NRG3: variants seen among roughly 807,000 people sequenced by gnomAD.
The protein encoded by NRG3 is pro-neuregulin-3, membrane-bound isoform.
Under a neutral mutation model 66.9 loss-of-function variants are expected in NRG3, and 31 were observed. The observed-to-expected ratio is 0.46, with a 90% CI of 0.35 to 0.63. The LOEUF is 0.63. Ranked by LOEUF, NRG3 falls within the 20% of genes least tolerant of loss-of-function variation. NRG3 has a pLI of 0.00. For synonymous variants in NRG3, 393 were observed against 359.4 expected, an observed-to-expected ratio of 1.09 and a Z score of -1.06; for missense variants, 910 against 878.9, an observed-to-expected ratio of 1.04 and a Z score of -0.45.
At chr10:81,918,870 G>C (rs1164793024) in intron 1 of NRG3, among the ~76,000 whole-genome samples, 1 of 149,492 alleles carries the variant, frequency 6.7e-6, no homozygotes, top group Non-Finnish European at 1.5e-5. Flanking sequence ...TAGAATCATT[G>C]CAATTTTCTG....
chr10:82,286,188 C>T (rs1468397306), intron 1 of NRG3, among the ~76,000 whole-genome samples: 1 of 152,104 alleles, frequency 6.6e-6, no homozygotes, highest in East Asian at 1.9e-4. Flanking sequence ...AACTCATAAG[C>T]TTTTGGTTTC....
intron 3 of NRG3, among the ~76,000 whole-genome samples, chr10:82,746,549 A>T (rs2058653982): frequency 6.6e-6 from 1 of 152,206 alleles, no homozygotes; most frequent in African/African-American, 2.4e-5. Flanking sequence ...TCAGGATCAA[A>T]GATGACACTT....
intron 1 of NRG3, among the ~76,000 whole-genome samples, chr10:81,980,930 C>T (rs947422643): frequency 6.6e-6 from 1 of 152,132 alleles, no homozygotes; most frequent in Admixed American, 6.5e-5. Flanking sequence ...TTAGGACCCA[C>T]TCTAAGGACT....
At chr10:82,850,843 T>G (rs1426065215) in intron 3 of NRG3, among the ~76,000 whole-genome samples, 1 of 152,214 alleles carries the variant, frequency 6.6e-6, no homozygotes, top group Non-Finnish European at 1.5e-5. Flanking sequence ...AGCTTCTTAA[T>G]TTTGCAGCAG....
At chr10:82,056,795 G>A (rs764369273) in intron 1 of NRG3, among the ~76,000 whole-genome samples, 3 of 152,094 alleles carry the variant, frequency 2.0e-5, no homozygotes, top group Non-Finnish European at 2.9e-5. Flanking sequence ...TAGCATTTTC[G>A]AAATATTGTT....
chr10:82,684,542 AC>A (rs2054358534), intron 2 of NRG3, among the ~76,000 whole-genome samples: 1 of 152,098 alleles, frequency 6.6e-6, no homozygotes, highest in Non-Finnish European at 1.5e-5. Flanking sequence ...ACAAAAAAAA[AC>A]AGTACATTTT....
At chr10:81,889,557 CT>C (rs1235730248) in intron 1 of NRG3, 1 of 152,174 alleles carries the variant, frequency 6.6e-6, no homozygotes, top group African/African-American at 2.4e-5. Flanking sequence ...CTCAGGCTTA[CT>C]TGGTTGCTCC....
chr10:82,124,513 C>T (rs923789951), intron 1 of NRG3, among the ~76,000 whole-genome samples: 6 of 151,578 alleles, frequency 4.0e-5, no homozygotes, highest in East Asian at 3.9e-4. Flanking sequence ...GTAAGTGAGG[C>T]GGAACTTTCT....
At chr10:82,779,579 C>T (rs1346884776) in intron 3 of NRG3, among the ~76,000 whole-genome samples, 2 of 152,082 alleles carry the variant, frequency 1.3e-5, no homozygotes, top group Non-Finnish European at 2.9e-5. Context: ...TCCTATTGTT[C>T]TATTTTCAAG....
At chr10:82,142,730 C>T (rs1405860404) in intron 1 of NRG3, among the ~76,000 whole-genome samples, 1 of 147,406 alleles carries the variant, frequency 6.8e-6, no homozygotes, top group Non-Finnish European at 1.5e-5. Flanking sequence ...CTAGAGTCAG[C>T]AATAAGATGT....
Position 82,943,206 on chromosome 10 carries a change from C to T in NRG3, c.1055-8263C>T, listed in dbSNP as rs966923248. On this transcript the variant is annotated intron_variant, in intron 4 of 8. Transcript: ENST00000372141. ...CATGTATTATTCTAGGCACTTTGTT[C>T]GTGCTTATGTGTTTAATCCCTAAAC... Among the ~76,000 whole-genome samples, 13 of 152,166 alleles carry T rather than the reference C, an allele frequency of 8.5e-5. No homozygotes were observed. The East Asian group carries it at 2.3e-3, about 27-fold the overall frequency.
At chr10:82,345,323 C>T (rs2082940057) in intron 1 of NRG3, among the ~76,000 whole-genome samples, 1 of 147,172 alleles carries the variant, frequency 6.8e-6, no homozygotes, top group Non-Finnish European at 1.5e-5. Flanking sequence ...AATAGGGAAT[C>T]CTTTCTCCAT....
Position 82,132,489 on chromosome 10 carries a change from TATGA to T in NRG3, c.824-226249_824-226246del, listed in dbSNP as rs368095564. Among the ~76,000 whole-genome samples the T allele has an allele frequency of 1.4e-3, 77 of 56,722 alleles. 1 individual carries two copies. Among genetic ancestry groups the T allele is most frequent in the East Asian group, 5.4e-3 (8 of 1,480 alleles). 37.2% of individuals were successfully genotyped at this position (56,722 alleles called of 152,430 possible). On this transcript the variant is annotated intron_variant, in intron 1 of 8. Transcript: ENST00000372141. Reference sequence around the variant, plus strand: ...ATATGATATATATATGATATATATATATGATATATATATATCATATATATATGAT... The same window carrying T: ...ATATGATATATATATGATATATATATTATATATATATCATATATATATGAT...
chr10:82,864,057 G>A (rs2064288308), intron 3 of NRG3, among the ~76,000 whole-genome samples: 1 of 152,070 alleles, frequency 6.6e-6, no homozygotes, highest in Admixed American at 6.6e-5. Context: ...AAATTGATAA[G>A]GATAGAAAGT....
chr10:82,852,613 C>G (rs952977337), intron 3 of NRG3, among the ~76,000 whole-genome samples: 2 of 152,098 alleles, frequency 1.3e-5, no homozygotes, highest in South Asian at 4.2e-4. Flanking sequence ...ATTCAGATTC[C>G]CAAACCTATA....
chr10:82,814,700 T>C (rs1346918731), intron 3 of NRG3, among the ~76,000 whole-genome samples: 1 of 152,224 alleles, frequency 6.6e-6, no homozygotes, highest in African/African-American at 2.4e-5. Flanking sequence ...TTATTTTCAT[T>C]TTATAATAAC....
chr10:82,803,120 C>T (rs1016591466), intron 3 of NRG3, among the ~76,000 whole-genome samples: 1 of 152,096 alleles, frequency 6.6e-6, no homozygotes, highest in South Asian at 2.1e-4. Flanking sequence ...AGGAATTTTG[C>T]ATTCAGAACT....
At chr10:82,003,779 G>GAAGTTTGGCTA (rs1221865781) in intron 1 of NRG3, among the ~76,000 whole-genome samples, 2 of 152,130 alleles carry the variant, frequency 1.3e-5, no homozygotes, top group Non-Finnish European at 2.9e-5. Flanking sequence ...TATCTTTTGA[G>GAAGTTTGGCTA]AAGTTTGGCT....
At chr10:82,804,292 G>C (rs562127239) in intron 3 of NRG3, among the ~76,000 whole-genome samples, 47 of 152,306 alleles carry the variant, frequency 3.1e-4, no homozygotes, top group Non-Finnish European at 4.7e-4. Context: ...AATCTTCTAA[G>C]TGAAATTCTG....
Sources: gnomAD v4.1 joint callset for allele counts (sites outside exome capture counted in the v4.1 genomes callset) on GRCh38, gnomAD v4.1.1 for gene constraint, MANE v1.5 for transcripts, NCBI Gene and HGNC (gene_info 2026-07-23, HGNC 2026-07-21) for gene names.